The following SLC36A1 variants were observed in gnomAD, a reference collection of about 807,000 sequenced individuals.
The protein encoded by SLC36A1 is proton-coupled amino acid transporter 1.
SLC36A1 carries 30 observed loss-of-function variants against 47.5 expected under a neutral mutation model. That is an observed-to-expected ratio of 0.63 (90% CI 0.47 to 0.86). The LOEUF (loss-of-function observed/expected upper bound fraction) is 0.86, where lower values mean the gene tolerates loss of function less well. Among genes scored for constraint, SLC36A1 ranks in the 40% least tolerant of loss-of-function variants. SLC36A1 has a pLI of 0.00. For missense variants in SLC36A1, 517 were observed against 606.0 expected, an observed-to-expected ratio of 0.85 and a Z score of 1.54; for synonymous variants, 255 against 249.7, an observed-to-expected ratio of 1.02 and a Z score of -0.20.
chr5:151,384,758 C>T, the SLC36A1 span, among the ~76,000 whole-genome samples: 28 of 152,236 alleles, frequency 1.8e-4, no homozygotes, highest in African/African-American at 6.5e-4. Flanking sequence ...TTATGTTGAG[C>T]TTAAAATATG....
At chr5:151,551,813 T>C in the SLC36A1 span, among the ~76,000 whole-genome samples, 1 of 152,228 alleles carries the variant, frequency 6.6e-6, no homozygotes, top group East Asian at 1.9e-4. Context: ...TTTATTTGAA[T>C]TTTATTAATA....
At chr5:151,439,668 G>T (rs200835530) in intron 1 of SLC36A1, among the ~76,000 whole-genome samples, 2 of 133,444 alleles carry the variant, frequency 1.5e-5, no homozygotes, top group African/African-American at 2.7e-5. Context: ...AAAAAGAAAA[G>T]AAAAAAAAAA....
the SLC36A1 span, among the ~76,000 whole-genome samples, chr5:151,417,415 G>C: frequency 6.6e-6 from 1 of 152,184 alleles, no homozygotes; most frequent in African/African-American, 2.4e-5. Flanking sequence ...TATGTCCTGA[G>C]ACTGCACAAA....
At chr5:151,525,581 G>A in the SLC36A1 span, among the ~76,000 whole-genome samples, 1 of 152,214 alleles carries the variant, frequency 6.6e-6, no homozygotes, top group African/African-American at 2.4e-5. Context: ...CATCTGTAAA[G>A]CGGGGTGGTA....
At position 151,489,462 on chromosome 5, in the gene SLC36A1, G is replaced by A. The variant is rs562400885; in HGVS notation, c.*1208G>A. ...TTTACAGCAGCTGGTCTGACACTAC[G>A]CGCAGTGCTCGGTTGTTTACAATCA... On this transcript the variant is annotated 3_prime_UTR_variant, in exon 11 of 11. Transcript: ENST00000243389. The surrounding 1 kb of genome is among the most constrained non-coding windows in gnomAD (Gnocchi z 4.5). 1.3e-5 allele frequency: 2 copies of A among 152,748 alleles called. No homozygotes were observed. The highest frequency in any genetic ancestry group is 1.9e-4 in the East Asian group (1 of 5,184). The allele number at this position is 152,748 out of a possible 1,614,324, so 9.5% of individuals were successfully genotyped here. A position where few individuals can be genotyped will look rare whatever the true frequency, so the allele number is the denominator to read the frequency against.
At chr5:151,507,701 C>A in the SLC36A1 span, 1 of 1,198,510 alleles carries the variant, frequency 8.3e-7, no homozygotes, top group Non-Finnish European at 1.1e-6. Flanking sequence ...GAGACTGCTC[C>A]CCCCAAAACC....
At chr5:151,483,258 A>G (rs1168088246) in intron 10 of SLC36A1, among the ~76,000 whole-genome samples, 1 of 152,184 alleles carries the variant, frequency 6.6e-6, no homozygotes, top group Non-Finnish European at 1.5e-5. Flanking sequence ...TCCAGAATCC[A>G]GTTCCTTCTG....
At chr5:151,431,769 C>G in the SLC36A1 span, among the ~76,000 whole-genome samples, 11 of 152,282 alleles carry the variant, frequency 7.2e-5, no homozygotes, top group East Asian at 1.7e-3. Context: ...TCCATTAAAC[C>G]CTTTTTCCTG....
the SLC36A1 span, among the ~76,000 whole-genome samples, chr5:151,536,953 C>G: frequency 2.6e-5 from 4 of 152,168 alleles, no homozygotes; most frequent in Non-Finnish European, 1.5e-5. Context: ...ACTATTTCCC[C>G]AAAGAAGGTC....
the SLC36A1 span, among the ~76,000 whole-genome samples, chr5:151,348,277 A>C: frequency 6.6e-6 from 1 of 152,176 alleles, no homozygotes; most frequent in African/African-American, 2.4e-5. Flanking sequence ...GATTTGTCTA[A>C]GGTCACACAT....
chr5:151,420,469 AC>A, the SLC36A1 span, among the ~76,000 whole-genome samples: 1 of 152,122 alleles, frequency 6.6e-6, no homozygotes, highest in East Asian at 1.9e-4. Flanking sequence ...CTTCCCAGAG[AC>A]CATGCACACT....
At chr5:151,469,918 G>T (rs939322657) in intron 7 of SLC36A1, among the ~76,000 whole-genome samples, 2 of 152,130 alleles carry the variant, frequency 1.3e-5, no homozygotes, top group East Asian at 3.8e-4. Context: ...TTTCCAGGAA[G>T]ACAGTGGCTC....
chr5:151,471,064 A>G (rs1384945760), intron 7 of SLC36A1: 1 of 152,244 alleles, frequency 6.6e-6, no homozygotes, highest in Non-Finnish European at 1.5e-5. Context: ...TTCTCAAAAT[A>G]CTGTTATTAT....
chr5:151,364,081 G>A, the SLC36A1 span, among the ~76,000 whole-genome samples: 1 of 152,202 alleles, frequency 6.6e-6, no homozygotes, highest in Non-Finnish European at 1.5e-5. Flanking sequence ...ATGGCACCGT[G>A]TGTGGTCTGT....
intron 1 of SLC36A1, among the ~76,000 whole-genome samples, chr5:151,442,101 G>T (rs1013712839): frequency 6.7e-6 from 1 of 150,162 alleles, no homozygotes; most frequent in African/African-American, 2.5e-5. Context: ...CATCCATTTT[G>T]TAGCTGTATT....
chr5:151,505,927 G>T, the SLC36A1 span: 1 of 1,585,678 alleles, frequency 6.3e-7, no homozygotes, highest in Non-Finnish European at 8.6e-7. Flanking sequence ...TCCATCTCCA[G>T]GGGGAAGGGG....
At chr5:151,464,094 C>A (rs1163084380) in intron 3 of SLC36A1, among the ~76,000 whole-genome samples, 1 of 152,176 alleles carries the variant, frequency 6.6e-6, no homozygotes, top group African/African-American at 2.4e-5. Flanking sequence ...TGGTTTCTTT[C>A]GGAGTTGAAG....
intron 4 of SLC36A1, 23 bp from the exon 5 acceptor site, chr5:151,465,051 C>A: frequency 6.3e-7 from 1 of 1,578,090 alleles, no homozygotes; most frequent in Non-Finnish European, 8.7e-7. Context: ...CTCTGTCCTT[C>A]CTCTTCCCTC....
At chr5:151,424,943 T>A in the SLC36A1 span, among the ~76,000 whole-genome samples, 1 of 152,172 alleles carries the variant, frequency 6.6e-6, no homozygotes, top group South Asian at 2.1e-4. Flanking sequence ...TGAAAATTCA[T>A]TGAGTTGTAC....
Sources: gnomAD v4.1 joint callset for allele counts (sites outside exome capture counted in the v4.1 genomes callset) on GRCh38, gnomAD v4.1.1 for gene constraint, Gnocchi (gnomAD v3.1) non-coding constraint, MANE v1.5 for transcripts, NCBI Gene and HGNC (gene_info 2026-07-23, HGNC 2026-07-21) for gene names.